Variants in TENT4B observed in about 807,000 individuals in gnomAD.
The protein encoded by TENT4B is PAP associated domain containing 5.
A neutral mutation model predicts 75.0 loss-of-function variants in TENT4B; 10 were observed. That is an observed-to-expected ratio of 0.13 (90% CI 0.08 to 0.23). TENT4B has a LOEUF of 0.23. Among genes scored for constraint, TENT4B ranks in the 10% least tolerant of loss-of-function variants. The pLI is 1.00. For synonymous variants in TENT4B, 350 were observed against 357.7 expected (o/e 0.98, Z 0.24); for missense variants, 579 against 893.8 (o/e 0.65, Z 4.49).
chr16:50,215,505 A>G lies in TENT4B; in HGVS notation c.810-570A>G, dbSNP rs755008170. 6.6e-5 allele frequency among the ~76,000 whole-genome samples: 10 copies of G among 152,344 alleles called. No homozygotes were observed. The South Asian group carries it at 1.7e-3, about 25-fold the overall frequency. On this transcript the variant is annotated intron_variant, in intron 3 of 11. Coordinates refer to ENST00000561678, the MANE Select transcript of TENT4B (RefSeq NM_001365324.3). ...AATAGGTAGTACATTCACATAGTTC[A>G]CATTTGGAAAAGGCACAAAAATCAA... is the stretch of plus-strand genomic sequence containing the variant.
intron 1 of TENT4B, among the ~76,000 whole-genome samples, chr16:50,161,031 C>T (rs536571571): frequency 2.0e-5 from 3 of 152,210 alleles, no homozygotes; most frequent in Non-Finnish European, 4.4e-5. Context: ...GCTGACTGGA[C>T]AGCCTAGAGT....
In TENT4B at chr16:50,194,483, G is replaced by A. The variant is rs554522304; in HGVS notation, c.639-16840G>A. Among the ~76,000 whole-genome samples, 55 of 152,000 alleles carry A rather than the reference G, an allele frequency of 3.6e-4. No individual in the cohort carries two copies. In the South Asian group the frequency reaches 0.011, roughly 30 times the overall value. ...ACCCGCCTCTGCCTCCCAAAGCGCT[G>A]TGATTATATGCATGAGCCACCATGC... is the stretch of plus-strand genomic sequence containing the variant. On this transcript the variant is annotated intron_variant, in intron 1 of 11. Transcript: ENST00000561678.
chr16:50,232,679 C>A lies in TENT4B; in HGVS notation c.*3351C>A. On this transcript the variant is annotated 3_prime_UTR_variant, in exon 12 of 12. Coordinates refer to ENST00000561678, the MANE Select transcript of TENT4B (RefSeq NM_001365324.3). ...GCTGTGACATGTTCATTGCAAAGCC[C>A]TCTCCAGTGACTAGGAGGTGTAGTT... is the stretch of plus-strand genomic sequence containing the variant. 3 of 985,206 alleles carry A rather than the reference C, an allele frequency of 3.0e-6. No individual in the cohort carries two copies. The highest frequency in any genetic ancestry group is 3.6e-6 in the Non-Finnish European group (3 of 829,904). 61.0% of individuals were successfully genotyped at this position (985,206 alleles called of 1,614,324 possible). A position where few individuals can be genotyped will look rare whatever the true frequency, so the allele number is the denominator to read the frequency against.
chr16:50,195,466 C>T (rs2030168060), intron 1 of TENT4B, among the ~76,000 whole-genome samples: 1 of 152,112 alleles, frequency 6.6e-6, no homozygotes, highest in African/African-American at 2.4e-5. Context: ...GGGAGGAAGT[C>T]AGAATTAAGC....
Position 50,232,630 on chromosome 16 carries a change from C to T in TENT4B, c.*3302C>T, listed in dbSNP as rs1230879115. 1.0e-6 allele frequency: 1 copy of T among 985,046 alleles called. No individual in the cohort carries two copies. Among genetic ancestry groups the T allele is most frequent in the Non-Finnish European group, 1.2e-6 (1 of 829,902 alleles). The allele number at this position is 985,046 out of a possible 1,614,324, so 61.0% of individuals were successfully genotyped here. A position where few individuals can be genotyped will look rare whatever the true frequency, so the allele number is the denominator to read the frequency against. Reference sequence around the variant, plus strand: ...TAGAGGGTCAGAAAAGAGTAATGACCACCGTGACGTGCAGGATTCTCTTGC... The same window carrying T: ...TAGAGGGTCAGAAAAGAGTAATGACTACCGTGACGTGCAGGATTCTCTTGC... On this transcript the variant is annotated 3_prime_UTR_variant, in exon 12 of 12. Transcript: ENST00000561678.
At chr16:50,201,859 A>T (rs1376095836) in intron 1 of TENT4B, among the ~76,000 whole-genome samples, 1 of 150,446 alleles carries the variant, frequency 6.6e-6, no homozygotes, top group Non-Finnish European at 1.5e-5. Context: ...AGCGGGCTGG[A>T]TACAGTGGTG....
Position 50,224,891 on chromosome 16 carries a change from C to T in TENT4B, c.1509C>T (p.Ser503=). The part of the protein sequence containing the change: ...AKYYPNNETE[S]ILGRIIRVTD... ...TCCCTTTCTTTTTAAACACATGCAG[C>T]ATACTAGGTAGAATAATTAGAGTAA... is the stretch of plus-strand genomic sequence containing the variant. Residue 503 remains serine (S), a splice_region_variant and synonymous_variant, in exon 9 of 12, where the codon AGC becomes AGT. Transcript: ENST00000561678. 6.2e-7 allele frequency: 1 copy of T among 1,612,906 alleles called. No homozygotes were observed. The highest frequency in any genetic ancestry group is 1.7e-4 in the Middle Eastern group (1 of 6,056).
intron 1 of TENT4B, among the ~76,000 whole-genome samples, chr16:50,188,068 G>A (rs186657969): frequency 3.5e-4 from 54 of 152,240 alleles, no homozygotes; most frequent in African/African-American, 1.3e-3. Flanking sequence ...CACCTGGCCT[G>A]CTTACAGATT....
chr16:50,166,367 G>A (rs1329107779), intron 1 of TENT4B, among the ~76,000 whole-genome samples: 4 of 152,180 alleles, frequency 2.6e-5, no homozygotes, highest in Admixed American at 2.0e-4. Flanking sequence ...TTACAGGCGT[G>A]AGCCACTGCA....
chr16:50,232,176 A>AT lies in TENT4B; in HGVS notation c.*2854dup. 1 of 985,186 alleles carries AT rather than the reference A, an allele frequency of 1.0e-6. No individual in the cohort carries two copies. Among genetic ancestry groups the AT allele is most frequent in the Non-Finnish European group, 1.2e-6 (1 of 829,874 alleles). The allele number at this position is 985,186 out of a possible 1,614,324, so 61.0% of individuals were successfully genotyped here. A position where few individuals can be genotyped will look rare whatever the true frequency, so the allele number is the denominator to read the frequency against. On this transcript the variant is annotated 3_prime_UTR_variant, in exon 12 of 12. Coordinates refer to ENST00000561678, the MANE Select transcript of TENT4B (RefSeq NM_001365324.3). ...ATGTTTTGATGATAAAAGTATATCC[A>AT]TTTTTTCCCTCCAGCTTTAAGGTGA...
rs780697361 is a variant in TENT4B, at chr16:50,227,888, C to T, written c.1850C>T (p.Pro617Leu). 2.2e-5 allele frequency: 35 copies of T among 1,613,864 alleles called. No homozygotes were observed. The highest frequency in any genetic ancestry group is 5.3e-5 in the African/African-American group (4 of 74,920). Residue 617 changes from proline to leucine, a missense_variant, in exon 11 of 12, where the codon CCG becomes CTG. Physicochemically the swap from Pro to Leu is moderately conservative, Grantham distance 98. Coordinates refer to ENST00000561678, the MANE Select transcript of TENT4B (RefSeq NM_001365324.3). ...ACCCCGAAACAGCTGCTTTGCCGTC[C>T]GTCCACTGGGAACCGAGTAGGGTCG... ...CKTPKQLLCR[P>L]STGNRVGSQD...
intron 1 of TENT4B, among the ~76,000 whole-genome samples, chr16:50,156,869 C>G (rs1462196887): frequency 6.6e-6 from 1 of 151,902 alleles, no homozygotes; most frequent in Admixed American, 6.6e-5. Context: ...CATTTGTTGC[C>G]TAGGCTGGTC....
At chr16:50,216,592 G>A (rs1198664620) in intron 4 of TENT4B, among the ~76,000 whole-genome samples, 1 of 152,182 alleles carries the variant, frequency 6.6e-6, no homozygotes, top group Non-Finnish European at 1.5e-5. Flanking sequence ...GATTACAGGC[G>A]TGAGCCACTG....
chr16:50,155,272 G>GGTGTGTGTGCGT (rs2037872630), intron 1 of TENT4B, among the ~76,000 whole-genome samples: 1 of 135,372 alleles, frequency 7.4e-6, no homozygotes, highest in South Asian at 2.6e-4. Flanking sequence ...GGGTCTCGTG[G>GGTGTGTGTGCGT]GTGTGTGTGT....
intron 1 of TENT4B, among the ~76,000 whole-genome samples, chr16:50,174,744 T>C (rs1363257996): frequency 4.4e-4 from 2 of 4,558 alleles, no homozygotes; most frequent in Non-Finnish European, 2.0e-3. Context: ...CCCCTACTCT[T>C]TTTTTTTTTT....
intron 1 of TENT4B, among the ~76,000 whole-genome samples, chr16:50,166,535 G>T (rs1200565484): frequency 6.6e-6 from 1 of 152,156 alleles, no homozygotes; most frequent in African/African-American, 2.4e-5. Flanking sequence ...CTTTGTTGGA[G>T]AAATATCTAT....
intron 1 of TENT4B, among the ~76,000 whole-genome samples, chr16:50,173,616 T>C (rs185454731): frequency 5.3e-5 from 8 of 152,322 alleles, no homozygotes; most frequent in African/African-American, 1.7e-4. Context: ...AGATATGTAG[T>C]GATATCTTGT....
rs201019368 is a variant in TENT4B, at chr16:50,164,176, AAAAG to A, written c.638+9933_638+9936del. Among the ~76,000 whole-genome samples the A allele has an allele frequency of 8.9e-3, 1,355 of 151,704 alleles. 10 individuals are homozygous for A. The highest frequency in any genetic ancestry group is 0.015 in the Non-Finnish European group (1,014 of 68,012). ...TCATCTCAAAAAAAATAAAAAATAAAAAAGAAAGAAAGAAAGAAATGGGATCTCA... is the reference window on the plus strand; with the variant it reads ...TCATCTCAAAAAAAATAAAAAATAAAAAAGAAAGAAAGAAATGGGATCTCA... On this transcript the variant is annotated intron_variant, in intron 1 of 11. Transcript: ENST00000561678.
chr16:50,194,744 A>ATTT (rs34176224), intron 1 of TENT4B, among the ~76,000 whole-genome samples: 60 of 69,388 alleles, frequency 8.6e-4, no homozygotes, highest in African/African-American at 1.5e-3. Flanking sequence ...TGCTTGGCTA[A>ATTT]TTTTTTTTTT....
Sources: gnomAD v4.1 joint callset for allele counts (sites outside exome capture counted in the v4.1 genomes callset) on GRCh38, gnomAD v4.1.1 for gene constraint, MANE v1.5 for transcripts, NCBI Gene and HGNC (gene_info 2026-07-23, HGNC 2026-07-21) for gene names.